Variants in TLK2 observed in about 807,000 individuals in gnomAD.
TLK2 encodes tousled like kinase 2, also known as serine/threonine-protein kinase tousled-like 2.
In TLK2, 6 loss-of-function variants were observed where a neutral mutation model predicts 117.3. That is an observed-to-expected ratio of 0.05 (90% CI 0.03 to 0.10). The LOEUF is 0.10. Ranked by LOEUF, TLK2 falls within the 10% of genes least tolerant of loss-of-function variation. The pLI is 1.00. For missense variants in TLK2, 299 were observed against 901.2 expected, an observed-to-expected ratio of 0.33 and a Z score of 8.56; for synonymous variants, 257 against 316.7, an observed-to-expected ratio of 0.81 and a Z score of 2.00.
chr17:62,483,312 T>C lies in TLK2; in HGVS notation c.81+2106T>C, dbSNP rs1002276873. Among the ~76,000 whole-genome samples the C allele has an allele frequency of 5.3e-5, 8 of 152,330 alleles. 1 individual carries two copies. In the South Asian group the frequency reaches 8.3e-4, roughly 16 times the overall value. On this transcript the variant is annotated intron_variant, in intron 2 of 21. Coordinates refer to ENST00000346027, the MANE Select transcript of TLK2 (RefSeq NM_006852.6). ...GGTTCGTGATGGCTGTATTCAAGTATACTTTTGATGGAGTAGGGCATAAGT... is the reference window on the plus strand; with the variant it reads ...GGTTCGTGATGGCTGTATTCAAGTACACTTTTGATGGAGTAGGGCATAAGT...
chr17:62,512,412 G>C, intron 2 of TLK2, among the ~76,000 whole-genome samples: 1 of 151,552 alleles, frequency 6.6e-6, no homozygotes, highest in South Asian at 2.1e-4. Flanking sequence ...CAGTAGAGAC[G>C]GGGTTTCTCC....
intron 2 of TLK2, among the ~76,000 whole-genome samples, chr17:62,501,212 T>C (rs1295197547): frequency 2.6e-5 from 4 of 152,082 alleles, no homozygotes; most frequent in Admixed American, 6.6e-5. Context: ...CACTCCAGCC[T>C]GGGTGACAGA....
intron 2 of TLK2, among the ~76,000 whole-genome samples, chr17:62,509,348 C>G (rs545043097): frequency 1.3e-5 from 2 of 152,030 alleles, no homozygotes; most frequent in Non-Finnish European, 2.9e-5. Flanking sequence ...CTCAGCCTCC[C>G]AAATTGTTGA....
upstream of TLK2, among the ~76,000 whole-genome samples, chr17:62,478,450 G>A (rs926375951): frequency 4.6e-5 from 7 of 150,566 alleles, no homozygotes; most frequent in Non-Finnish European, 7.4e-5. Context: ...GGCGGGGGCC[G>A]GCGACACAAA....
intron 16 of TLK2, among the ~76,000 whole-genome samples, chr17:62,594,528 T>C (rs1177402615): frequency 6.6e-6 from 1 of 152,178 alleles, no homozygotes; most frequent in Non-Finnish European, 1.5e-5. Context: ...CTAATTGACA[T>C]AAACAAGAGT....
At chr17:62,493,679 A>G (rs552274742) in intron 2 of TLK2, among the ~76,000 whole-genome samples, 2 of 152,364 alleles carry the variant, frequency 1.3e-5, no homozygotes, top group African/African-American at 4.8e-5. Flanking sequence ...AATGACAGTC[A>G]AATTGCAACT....
At chr17:62,572,417 GTT>G (rs759144153) in intron 11 of TLK2, among the ~76,000 whole-genome samples, 1 of 142,236 alleles carries the variant, frequency 7.0e-6, no homozygotes. Flanking sequence ...GAGAGAAAGT[GTT>G]TTTTTTTTTT....
chr17:62,523,686 G>A (rs1426718195), intron 5 of TLK2, among the ~76,000 whole-genome samples: 1 of 152,078 alleles, frequency 6.6e-6, no homozygotes, highest in Non-Finnish European at 1.5e-5. Context: ...AGAGAAAACT[G>A]CTGCTGCCTT....
At chr17:62,508,931 G>A (rs1008839603) in intron 2 of TLK2, among the ~76,000 whole-genome samples, 1 of 152,046 alleles carries the variant, frequency 6.6e-6, no homozygotes, top group African/African-American at 2.4e-5. Flanking sequence ...TTGCACCACT[G>A]CACTCCTGCC....
intron 7 of TLK2, chr17:62,552,042 A>G (rs2032738): frequency 0.33 from 144,496 of 439,896 alleles, 23,147 homozygotes; most frequent in Admixed American, 0.4. Context: ...TCTAATTTTC[A>G]TATTTTAAAA....
At chr17:62,571,746 C>T (rs572494167) in intron 11 of TLK2, among the ~76,000 whole-genome samples, 2 of 152,214 alleles carry the variant, frequency 1.3e-5, no homozygotes, top group South Asian at 2.1e-4. Context: ...TGGGTATCTA[C>T]CTTAGAGTAA....
chr17:62,578,606 A>G, intron 14 of TLK2, 32 bp downstream of exon 14: 1 of 1,502,340 alleles, frequency 6.7e-7, no homozygotes, highest in Non-Finnish European at 9.3e-7. Context: ...TGGGTTGGAG[A>G]TTGCTAAGCA....
At chr17:62,573,111 A>AT (rs1488862738) in intron 11 of TLK2, 104 bp from the exon 12 acceptor site, 1 of 1,335,344 alleles carries the variant, frequency 7.5e-7, no homozygotes, top group Non-Finnish European at 1.0e-6. Flanking sequence ...AAAGGGGCTT[A>AT]TTTTTTCTGA....
Position 62,518,946 on chromosome 17 carries a change from G to A in TLK2, c.82-1827G>A, listed in dbSNP as rs1190302247. 5.3e-5 allele frequency among the ~76,000 whole-genome samples: 8 copies of A among 152,100 alleles called. No homozygotes were observed. In the East Asian group the frequency reaches 1.3e-3, roughly 26 times the overall value. On this transcript the variant is annotated intron_variant, in intron 2 of 21. Coordinates refer to ENST00000346027, the MANE Select transcript of TLK2 (RefSeq NM_006852.6). Reference sequence around the variant, plus strand: ...AGGCTGGAGTGCAATGTGCAGTGGCGCGATCTTGGCTCATTGCAACCTCTA... The same window carrying A: ...AGGCTGGAGTGCAATGTGCAGTGGCACGATCTTGGCTCATTGCAACCTCTA...
intron 20 of TLK2, among the ~76,000 whole-genome samples, chr17:62,607,012 C>CTTTTTTTTTTTTTTTT (rs10680028): frequency 1.6e-5 from 2 of 123,566 alleles, no homozygotes; most frequent in Admixed American, 8.5e-5. Flanking sequence ...TCTCCTTGGT[C>CTTTTTTTTTTTTTTTT]TTTTTTTTTT....
In TLK2 at chr17:62,586,177, C is replaced by T. The variant is rs2081593421; in HGVS notation, c.1411C>T (p.His471Tyr). Residue 471 changes from histidine to tyrosine, a missense_variant, in exon 16 of 22, where the codon CAC (histidine) becomes TAC (tyrosine). His to Tyr is a moderately conservative substitution (Grantham distance 83, BLOSUM62 2). Around this residue, in one of 4 missense-constraint regions of TLK2, gnomAD observed 81 missense variants for 370.9 expected, o/e 0.22. Coordinates refer to ENST00000346027, the MANE Select transcript of TLK2 (RefSeq NM_006852.6). ...TEQRYVAVKIHQLNKNWRDEK... is the reference protein window; with the variant it reads ...TEQRYVAVKIYQLNKNWRDEK... ...GCAAAGATACGTAGCTGTGAAAATT[C>T]ACCAGTTAAATAAAAACTGGAGAGA... The T allele has an allele frequency of 1.2e-6, 2 of 1,613,534 alleles. No individual in the cohort carries two copies. Among genetic ancestry groups the T allele is most frequent in the African/African-American group, 1.3e-5 (1 of 74,900 alleles).
At chr17:62,571,268 A>G (rs1460089938) in intron 11 of TLK2, among the ~76,000 whole-genome samples, 2 of 152,256 alleles carry the variant, frequency 1.3e-5, no homozygotes, top group African/African-American at 2.4e-5. Flanking sequence ...GTATTTGCAC[A>G]TAGCCTATGC....
intron 2 of TLK2, among the ~76,000 whole-genome samples, chr17:62,506,082 A>G (rs1310415480): frequency 9.2e-5 from 14 of 152,248 alleles, no homozygotes; most frequent in Admixed American, 3.3e-4. Context: ...TATGTAATTT[A>G]GAGTCATAAG....
At chr17:62,576,815 C>A in intron 13 of TLK2, 40 bp downstream of exon 13, 3 of 1,514,484 alleles carry the variant, frequency 2.0e-6, no homozygotes, top group Middle Eastern at 1.7e-4. Context: ...AAATGTGATA[C>A]CTAGTTTAAA....
Sources: gnomAD v4.1 joint callset for allele counts (sites outside exome capture counted in the v4.1 genomes callset) on GRCh38, gnomAD v4.1.1 for gene constraint, gnomAD v4.1.1 regional missense constraint, MANE v1.5 for transcripts, NCBI Gene and HGNC (gene_info 2026-07-23, HGNC 2026-07-21) for gene names.